The following MAGI1 variants were observed in gnomAD, a reference collection of about 807,000 sequenced individuals.
MAGI1 encodes membrane associated guanylate kinase, WW and PDZ domain containing 1.
In MAGI1, 58 loss-of-function variants were observed where a neutral mutation model predicts 139.9. The observed-to-expected ratio is 0.41, with a 90% CI of 0.34 to 0.52. The LOEUF is 0.52. Ranked by LOEUF, MAGI1 falls within the 20% of genes least tolerant of loss-of-function variation. The pLI is 0.12. For synonymous variants in MAGI1, 812 were observed against 737.9 expected (o/e 1.10, Z -1.63); for missense variants, 1,874 against 1,901.6 (o/e 0.99, Z 0.27).
In MAGI1 at chr3:65,634,931, T is replaced by C. The variant is rs746237479; in HGVS notation, c.314-12843A>G. ...ATCTGTACCCTAAACTCAGATAACC[T>C]AGCAAAATGGAAATAGGTGTAAATA... On this transcript the variant is annotated intron_variant, in intron 1 of 22. Transcript: ENST00000402939. Among the ~76,000 whole-genome samples, 201 of 152,156 alleles carry C rather than the reference T, an allele frequency of 1.3e-3. 4 individuals carry two copies. The highest frequency in any genetic ancestry group is 4.3e-4 in the Non-Finnish European group (29 of 68,030).
chr3:65,499,095 G>T, intron 2 of MAGI1: 1 of 910,700 alleles, frequency 1.1e-6, no homozygotes, highest in East Asian at 1.2e-4. Context: ...CATATGCTTT[G>T]AAAAACTATC....
chr3:65,497,457 T>G (rs1429404019), intron 2 of MAGI1, among the ~76,000 whole-genome samples: 2 of 152,170 alleles, frequency 1.3e-5, no homozygotes, highest in Admixed American at 6.5e-5. Flanking sequence ...GGAATTCCAG[T>G]GCAGTGCAAG....
chr3:65,516,568 C>T (rs1224936321), intron 2 of MAGI1, among the ~76,000 whole-genome samples: 3 of 152,114 alleles, frequency 2.0e-5, no homozygotes. Flanking sequence ...ATCACCACAA[C>T]AGAGTTATAA....
chr3:65,602,284 C>T (rs1006514717), intron 2 of MAGI1, among the ~76,000 whole-genome samples: 6 of 151,884 alleles, frequency 4.0e-5, no homozygotes, highest in African/African-American at 1.5e-4. Flanking sequence ...CTCATAATAG[C>T]CAAAAAGTGA....
chr3:65,402,377 G>A (rs571439924), intron 12 of MAGI1, among the ~76,000 whole-genome samples: 26 of 152,172 alleles, frequency 1.7e-4, no homozygotes, highest in Non-Finnish European at 3.2e-4. Flanking sequence ...GGGAAGTCAG[G>A]AGCAATTGGG....
chr3:65,891,933 TATATATATAC>T (rs1253482433), intron 1 of MAGI1, among the ~76,000 whole-genome samples: 19 of 96,762 alleles, frequency 2.0e-4, no homozygotes, highest in African/African-American at 6.2e-4. Context: ...TATATATATA[TATATATATAC>T]CCGTGTTGCT....
intron 1 of MAGI1, among the ~76,000 whole-genome samples, chr3:65,880,133 T>C (rs2060266572): frequency 6.6e-6 from 1 of 152,100 alleles, no homozygotes; most frequent in Admixed American, 6.6e-5. Flanking sequence ...TCCCAGCTAC[T>C]CAGAAGGCTA....
intron 6 of MAGI1, chr3:65,452,870 T>A (rs577549211): frequency 5.8e-6 from 1 of 171,612 alleles, no homozygotes; most frequent in Non-Finnish European, 1.3e-5. Context: ...TCCCAACTTT[T>A]CCCCCTAAGA....
At chr3:65,624,883 CTTTT>C (rs972140884) in intron 1 of MAGI1, among the ~76,000 whole-genome samples, 7 of 152,142 alleles carry the variant, frequency 4.6e-5, no homozygotes, top group African/African-American at 1.7e-4. Context: ...ATAATATTTT[CTTTT>C]TTTAAGATGG....
At chr3:65,367,006 C>G (rs1941481857) in intron 18 of MAGI1, among the ~76,000 whole-genome samples, 2 of 152,118 alleles carry the variant, frequency 1.3e-5, no homozygotes, top group African/African-American at 4.8e-5. Flanking sequence ...CTAAATAGGA[C>G]AAACAAGCTG....
intron 22 of MAGI1, 97 bp downstream of exon 22, chr3:65,361,102 A>G: frequency 1.9e-6 from 3 of 1,610,782 alleles, no homozygotes; most frequent in Non-Finnish European, 2.5e-6. Context: ...ACACTGGTGA[A>G]TAGGGGAAAC....
chr3:65,552,790 C>A (rs1438542416), intron 2 of MAGI1, among the ~76,000 whole-genome samples: 1 of 152,202 alleles, frequency 6.6e-6, no homozygotes, highest in Non-Finnish European at 1.5e-5. Context: ...TTAATTCATT[C>A]CACAGCCACT....
chr3:65,891,898 A>C (rs564000968), intron 1 of MAGI1, among the ~76,000 whole-genome samples: 2 of 27,638 alleles, frequency 7.2e-5, no homozygotes, highest in Non-Finnish European at 1.3e-4. Flanking sequence ...ATATATATAT[A>C]TATATATATA....
At chr3:65,833,311 G>T (rs541478048) in intron 1 of MAGI1, among the ~76,000 whole-genome samples, 1 of 152,170 alleles carries the variant, frequency 6.6e-6, no homozygotes, top group South Asian at 2.1e-4. Flanking sequence ...TAGAGAGGGG[G>T]TTTCACCATA....
chr3:65,543,103 C>G (rs1454135229), intron 2 of MAGI1, among the ~76,000 whole-genome samples: 1 of 151,208 alleles, frequency 6.6e-6, no homozygotes, highest in Non-Finnish European at 1.5e-5. Context: ...AGGATATGAA[C>G]AGACACTTCT....
intron 2 of MAGI1, among the ~76,000 whole-genome samples, chr3:65,500,931 G>C (rs942566881): frequency 6.6e-6 from 1 of 152,174 alleles, no homozygotes; most frequent in Non-Finnish European, 1.5e-5. Flanking sequence ...ATTTGCATCT[G>C]ATAAATATCC....
intron 1 of MAGI1, among the ~76,000 whole-genome samples, chr3:65,885,201 C>A (rs1245336864): frequency 6.6e-6 from 1 of 152,028 alleles, no homozygotes; most frequent in East Asian, 1.9e-4. Context: ...GAGTTCAAGA[C>A]CAGCCTGGCT....
At chr3:65,679,915 G>A (rs77766343) in intron 1 of MAGI1, among the ~76,000 whole-genome samples, 6,301 of 152,298 alleles carry the variant, frequency 0.041, 431 homozygotes, top group African/African-American at 0.14. Context: ...GGCTTGGGTG[G>A]TAGCAAAGAC....
intron 1 of MAGI1, among the ~76,000 whole-genome samples, chr3:65,703,463 G>A (rs554066539): frequency 3.3e-5 from 5 of 152,292 alleles, no homozygotes; most frequent in South Asian, 4.1e-4. Flanking sequence ...TAGATGAACT[G>A]CCCTTAGGCA....
Sources: gnomAD v4.1 joint callset for allele counts (sites outside exome capture counted in the v4.1 genomes callset) on GRCh38, gnomAD v4.1.1 for gene constraint, MANE v1.5 for transcripts, NCBI Gene and HGNC (gene_info 2026-07-23, HGNC 2026-07-21) for gene names.